Variants in HAT1 observed in about 807,000 individuals in gnomAD.
HAT1 encodes histone acetyltransferase 1.
Under a neutral mutation model 56.6 loss-of-function variants are expected in HAT1, and 20 were observed. The ratio of observed to expected loss-of-function variants is 0.35; its 90% CI spans 0.25 to 0.51. The LOEUF (loss-of-function observed/expected upper bound fraction) is 0.51, where lower values mean the gene tolerates loss of function less well. Among genes scored for constraint, HAT1 ranks in the 20% least tolerant of loss-of-function variants. The pLI, the probability that HAT1 is intolerant of heterozygous loss-of-function variation, is 0.95. For synonymous variants in HAT1, 146 were observed against 165.5 expected, an observed-to-expected ratio of 0.88 and a Z score of 0.91; for missense variants, 408 against 504.3, an observed-to-expected ratio of 0.81 and a Z score of 1.83.
chr2:171,928,722 G>T (rs1574032275), intron 2 of HAT1, among the ~76,000 whole-genome samples: 1 of 152,106 alleles, frequency 6.6e-6, no homozygotes, highest in East Asian at 1.9e-4. Flanking sequence ...TGTTGGCCAG[G>T]CTGGTCTCGA....
At chr2:171,935,286 G>A (rs1238447698) in intron 2 of HAT1, among the ~76,000 whole-genome samples, 2 of 143,914 alleles carry the variant, frequency 1.4e-5, no homozygotes. Flanking sequence ...AGGCAGAGGC[G>A]GGTGGATCAC....
At chr2:171,952,056 A>G (rs896423857) in intron 3 of HAT1, among the ~76,000 whole-genome samples, 1 of 152,194 alleles carries the variant, frequency 6.6e-6, no homozygotes, top group Non-Finnish European at 1.5e-5. Context: ...ATACAGCTTT[A>G]TTGAGATATA....
rs757985257 is a variant in HAT1 at position 171,979,296 on chromosome 2, T to A, written c.1025T>A (p.Met342Lys). Residue 342 changes from methionine to lysine, a missense_variant, in exon 10 of 11, where the codon ATG becomes AAG. Coordinates refer to ENST00000264108, the MANE Select transcript of HAT1 (RefSeq NM_003642.4). The stretch of plus-strand genomic sequence containing the variant: ...ATTCTTCGACTACTGGTAACTGACA[T>A]GAGTGATGCCGAACAATACAGAAGC... ...YEILRLLVTD[M>K]SDAEQYRSYR... 22 of 1,607,232 alleles carry A rather than the reference T, an allele frequency of 1.4e-5. No homozygotes were observed. The highest frequency in any genetic ancestry group is 1.9e-5 in the Non-Finnish European group (22 of 1,175,636).
At chr2:171,946,911 G>A (rs1192460312) in intron 3 of HAT1, 128 bp downstream of exon 3, 4 of 559,544 alleles carry the variant, frequency 7.1e-6, no homozygotes, top group Non-Finnish European at 1.3e-5. Context: ...TAAAATATAT[G>A]TTATAATGGT....
chr2:171,971,390 C>G (rs1279342822), intron 8 of HAT1, among the ~76,000 whole-genome samples: 1 of 152,150 alleles, frequency 6.6e-6, no homozygotes, highest in Admixed American at 6.5e-5. Context: ...TGAAAAGATC[C>G]TTCGTGTCCA....
rs1224987721 is a variant in HAT1, at chr2:171,970,662, G to T, written c.823+3713G>T. ...AGCCTCCCAAGTAGCTGGGACTACA[G>T]GTGCGTGCCACCATGCCCGGCTAAT... On this transcript the variant is annotated intron_variant, in intron 8 of 10. Transcript: ENST00000264108. 8.0e-5 allele frequency among the ~76,000 whole-genome samples: 12 copies of T among 149,850 alleles called. No individual in the cohort carries two copies. The East Asian group carries it at 1.5e-3, about 19-fold the overall frequency.
At position 171,965,416 on chromosome 2, in the gene HAT1, C is replaced by A; in HGVS notation, c.388C>A (p.Leu130Met). ...CTNTNDFLSL[L>M]EKEVDFKPFG... ...AAACACGAATGATTTCCTTTCTTTA[C>A]TGGAAAAGGAAGTTGATTTCAAGCC... Residue 130 changes from leucine to methionine, a missense_variant, in exon 5 of 11, where the codon CTG becomes ATG. Coordinates refer to ENST00000264108, the MANE Select transcript of HAT1 (RefSeq NM_003642.4). 6.2e-7 allele frequency: 1 copy of A among 1,609,940 alleles called. No homozygotes were observed. Among genetic ancestry groups the A allele is most frequent in the South Asian group, 1.1e-5 (1 of 90,958 alleles).
Position 171,922,512 on chromosome 2 carries a change from G to C in HAT1, c.7+5G>C. ...ATCGTAGCTCGGAAATGGCGGGTAAGTTACCGGGAAAAGTTTACCAAGGGG... is the reference window on the plus strand; with the variant it reads ...ATCGTAGCTCGGAAATGGCGGGTAACTTACCGGGAAAAGTTTACCAAGGGG... On this transcript the variant is annotated splice_donor_5th_base_variant and intron_variant, in intron 1 of 10. Coordinates refer to ENST00000264108, the MANE Select transcript of HAT1 (RefSeq NM_003642.4). The C allele has an allele frequency of 7.6e-7, 1 of 1,318,474 alleles. No homozygotes were observed. Among genetic ancestry groups the C allele is most frequent in the Non-Finnish European group, 9.8e-7 (1 of 1,024,328 alleles). The allele number at this position is 1,318,474 out of a possible 1,614,324, so 81.7% of individuals were successfully genotyped here.
At chr2:171,942,147 C>T (rs891544503) in intron 2 of HAT1, among the ~76,000 whole-genome samples, 2 of 152,200 alleles carry the variant, frequency 1.3e-5, no homozygotes, top group African/African-American at 4.8e-5. Context: ...TCAGGTGATC[C>T]ACCTGCCTTG....
At chr2:171,957,211 A>G (rs1020043809) in intron 4 of HAT1, among the ~76,000 whole-genome samples, 16 of 152,232 alleles carry the variant, frequency 1.1e-4, no homozygotes, top group African/African-American at 3.9e-4. Flanking sequence ...AGCTGCCAAC[A>G]TGTGCTACCT....
At chr2:171,925,987 T>C (rs1276545663) in intron 2 of HAT1, among the ~76,000 whole-genome samples, 6 of 152,212 alleles carry the variant, frequency 3.9e-5, no homozygotes, top group African/African-American at 1.4e-4. Flanking sequence ...AACACTTGTA[T>C]ATTGCTGGTG....
chr2:171,932,835 C>T (rs974781626), intron 2 of HAT1, among the ~76,000 whole-genome samples: 3 of 152,156 alleles, frequency 2.0e-5, no homozygotes, highest in Non-Finnish European at 4.4e-5. Context: ...TCTCACTGCA[C>T]TCCAGTCTGG....
chr2:171,935,075 C>T (rs1456105364), intron 2 of HAT1, among the ~76,000 whole-genome samples: 6 of 149,344 alleles, frequency 4.0e-5, no homozygotes, highest in African/African-American at 1.2e-4. Flanking sequence ...TTTCTTTTTA[C>T]GAGGCTGCTA....
At chr2:171,934,838 C>G (rs983461617) in intron 2 of HAT1, among the ~76,000 whole-genome samples, 1 of 149,186 alleles carries the variant, frequency 6.7e-6, no homozygotes, top group Non-Finnish European at 1.5e-5. Flanking sequence ...TCACTGCAAC[C>G]TCCGCCTCTG....
chr2:171,972,256 G>GT (rs1687835886), intron 8 of HAT1, among the ~76,000 whole-genome samples: 2 of 104,734 alleles, frequency 1.9e-5, no homozygotes, highest in Non-Finnish European at 4.1e-5. Context: ...TTTTTTTTTT[G>GT]TTTTTTGGTG....
At chr2:171,975,102 C>CTTTTTTTTTTTTT (rs56657515) in intron 8 of HAT1, among the ~76,000 whole-genome samples, 2 of 130,932 alleles carry the variant, frequency 1.5e-5, no homozygotes, top group African/African-American at 2.8e-5. Flanking sequence ...TATTTTCTTT[C>CTTTTTTTTTTTTT]TTTTTTTTTT....
At chr2:171,945,567 C>T (rs944893285) in intron 2 of HAT1, among the ~76,000 whole-genome samples, 7 of 148,932 alleles carry the variant, frequency 4.7e-5, no homozygotes, top group Non-Finnish European at 1.0e-4. Flanking sequence ...GATCTTGGCT[C>T]ACTGCAACCT....
intron 2 of HAT1, among the ~76,000 whole-genome samples, chr2:171,927,791 T>C (rs1215758048): frequency 1.3e-5 from 2 of 151,862 alleles, no homozygotes; most frequent in African/African-American, 2.4e-5. Context: ...GGTTTCGCCA[T>C]GTTGGTCAGT....
At chr2:171,924,112 CTG>C (rs1168578162) in intron 1 of HAT1, 1 of 152,126 alleles carries the variant, frequency 6.6e-6, no homozygotes, top group Non-Finnish European at 1.5e-5. Context: ...TTCCCATTTT[CTG>C]TGTGTGTGTT....
Sources: gnomAD v4.1 joint callset for allele counts (sites outside exome capture counted in the v4.1 genomes callset) on GRCh38, gnomAD v4.1.1 for gene constraint, MANE v1.5 for transcripts, NCBI Gene and HGNC (gene_info 2026-07-23, HGNC 2026-07-21) for gene names.